RBKS: variants seen among roughly 807,000 people sequenced by gnomAD.
The protein encoded by RBKS is ribokinase.
Under a neutral mutation model 33.9 loss-of-function variants are expected in RBKS, and 33 were observed. The observed-to-expected ratio is 0.97, with a 90% confidence interval of 0.74 to 1.30. The LOEUF is 1.30. RBKS is among the 50% of genes most tolerant of loss of function. The probability of loss-of-function intolerance (pLI) is 0.00; values close to 1 mark genes in which losing one functional copy is unlikely to be tolerated. For synonymous variants in RBKS, 125 were observed against 143.0 expected, an observed-to-expected ratio of 0.87 and a Z score of 0.90; for missense variants, 361 against 392.6, an observed-to-expected ratio of 0.92 and a Z score of 0.68.
chr2:27,795,558 ACCT>A lies in RBKS; in HGVS notation c.796-13773_796-13771del, dbSNP rs1206406138. Among the ~76,000 whole-genome samples, 2 of 151,856 alleles carry A rather than the reference ACCT, an allele frequency of 1.3e-5. No homozygotes were observed. Among genetic ancestry groups the A allele is most frequent in the African/African-American group, 4.8e-5 (2 of 41,400 alleles). On this transcript the variant is annotated intron_variant, in intron 7 of 7. Transcript: ENST00000302188. The surrounding 1 kb of genome is among the most constrained non-coding windows in gnomAD (Gnocchi z 4.1). ...TTATATACACACACACACAACATTGACCTCATTTCATCTTCACACTGACCCTGC... is the reference window on the plus strand; with the variant it reads ...TTATATACACACACACACAACATTGACATTTCATCTTCACACTGACCCTGC...
Position 27,845,590 on chromosome 2 carries a change from G to A in RBKS, c.349+1452C>T, listed in dbSNP as rs570774739. ...TAAGACAAGGAATGAGCTGCTGTTG[G>A]CAGGAATAGTTACTTAAAATGTAGC... On this transcript the variant is annotated intron_variant, in intron 4 of 7. Transcript: ENST00000302188. Among the ~76,000 whole-genome samples, 137 of 152,286 alleles carry A rather than the reference G, an allele frequency of 9.0e-4. 2 individuals carry two copies. Among genetic ancestry groups the A allele is most frequent in the South Asian group, 8.5e-3 (41 of 4,828 alleles).
intron 5 of RBKS, among the ~76,000 whole-genome samples, chr2:27,833,340 A>G (rs974593097): frequency 2.6e-5 from 4 of 152,178 alleles, no homozygotes; most frequent in Non-Finnish European, 5.9e-5. Context: ...TCCTGCAAAC[A>G]TATGCACTTA....
At chr2:27,784,219 G>A (rs903091136) in intron 7 of RBKS, among the ~76,000 whole-genome samples, 4 of 151,818 alleles carry the variant, frequency 2.6e-5, no homozygotes, top group South Asian at 4.2e-4. Context: ...TCCTGACCTC[G>A]TGATCCGCCC....
At chr2:27,850,382 C>T (rs1442367716) in intron 2 of RBKS, among the ~76,000 whole-genome samples, 2 of 152,152 alleles carry the variant, frequency 1.3e-5, no homozygotes, top group Non-Finnish European at 2.9e-5. Flanking sequence ...GTCGGATATT[C>T]TATAGGGTTT....
At chr2:27,845,294 C>G (rs1465428325) in intron 4 of RBKS, among the ~76,000 whole-genome samples, 1 of 152,176 alleles carries the variant, frequency 6.6e-6, no homozygotes, top group Non-Finnish European at 1.5e-5. Context: ...AAACTAAACT[C>G]ATTACTTTAT....
At chr2:27,876,320 A>C (rs1312747626) in intron 1 of RBKS, among the ~76,000 whole-genome samples, 2 of 152,202 alleles carry the variant, frequency 1.3e-5, no homozygotes, top group Admixed American at 1.3e-4. Flanking sequence ...AAAATTCTGA[A>C]ACATGCTACA....
intron 1 of RBKS, among the ~76,000 whole-genome samples, chr2:27,887,622 CAG>C (rs1421521653): frequency 6.6e-6 from 1 of 152,246 alleles, no homozygotes. Context: ...TGGGAATTAG[CAG>C]AGAGAGTCTA....
At chr2:27,781,888 G>T in intron 7 of RBKS, 100 bp from the exon 8 acceptor site, 2 of 1,086,284 alleles carry the variant, frequency 1.8e-6, no homozygotes, top group Non-Finnish European at 2.6e-6. Context: ...TTTAGTTTTA[G>T]ATTTACAGAA....
intron 7 of RBKS, among the ~76,000 whole-genome samples, chr2:27,804,837 G>A (rs918829439): frequency 6.6e-6 from 1 of 152,106 alleles, no homozygotes; most frequent in Non-Finnish European, 1.5e-5. Flanking sequence ...TTGAGCTCAG[G>A]AAGATGGCAA....
At chr2:27,825,162 A>C (rs1304889822) in intron 7 of RBKS, among the ~76,000 whole-genome samples, 1 of 151,864 alleles carries the variant, frequency 6.6e-6, no homozygotes, top group East Asian at 1.9e-4. Flanking sequence ...TCAATTTTAG[A>C]TATTATCTCT....
rs11301069 is a variant in RBKS, at chr2:27,847,227, TAA to T, written c.287-125_287-124del. The T allele has an allele frequency of 2.0e-5, 11 of 542,998 alleles. No individual in the cohort carries two copies. The African/African-American group carries it at 2.1e-4, about 10-fold the overall frequency. The allele number at this position is 542,998 out of a possible 1,614,324, so 33.6% of individuals were successfully genotyped here. The stretch of plus-strand genomic sequence containing the variant: ...TTTAACCTTTAACCATCTGGAATGA[TAA>T]AAAAAAATAAGTAATTAGTGCTAAT... On this transcript the variant is annotated intron_variant, in intron 3 of 7. Coordinates refer to ENST00000302188, the MANE Select transcript of RBKS (RefSeq NM_022128.3).
intron 7 of RBKS, among the ~76,000 whole-genome samples, chr2:27,789,911 G>GTATATATATA (rs1677477777): frequency 5.7e-5 from 7 of 123,690 alleles, no homozygotes; most frequent in Admixed American, 2.6e-4. Flanking sequence ...GTGTGTGTGT[G>GTATATATATA]TGTGTTTGTG....
At chr2:27,887,937 A>G (rs1664573135) in intron 1 of RBKS, among the ~76,000 whole-genome samples, 1 of 152,146 alleles carries the variant, frequency 6.6e-6, no homozygotes, top group Admixed American at 6.5e-5. Flanking sequence ...ATAAGACTTT[A>G]AAACCCTGAC....
intron 5 of RBKS, among the ~76,000 whole-genome samples, chr2:27,835,754 C>G (rs1161250357): frequency 6.6e-6 from 1 of 151,462 alleles, no homozygotes; most frequent in Non-Finnish European, 1.5e-5. Flanking sequence ...GAACAAATAA[C>G]AAGCACACAT....
intron 1 of RBKS, among the ~76,000 whole-genome samples, chr2:27,871,387 T>C (rs944427571): frequency 2.0e-5 from 3 of 152,208 alleles, no homozygotes; most frequent in African/African-American, 7.2e-5. Context: ...TTACCACATA[T>C]TATACAAAGC....
intron 1 of RBKS, among the ~76,000 whole-genome samples, chr2:27,888,101 G>A (rs1664579980): frequency 6.6e-6 from 1 of 151,808 alleles, no homozygotes; most frequent in African/African-American, 2.4e-5. Flanking sequence ...TTTTATTCAG[G>A]TAGGATGTAT....
chr2:27,867,515 A>G (rs904917216), intron 1 of RBKS, among the ~76,000 whole-genome samples: 29 of 152,242 alleles, frequency 1.9e-4, no homozygotes, highest in African/African-American at 6.7e-4. Context: ...TGGGGACGAA[A>G]AGGGGCACAT....
chr2:27,863,757 T>C (rs925685377), intron 1 of RBKS, among the ~76,000 whole-genome samples: 4 of 152,222 alleles, frequency 2.6e-5, no homozygotes, highest in Non-Finnish European at 5.9e-5. Context: ...CCAATTAAAA[T>C]TCATTACACT....
At chr2:27,816,534 C>T (rs897247206) in intron 7 of RBKS, among the ~76,000 whole-genome samples, 4 of 152,170 alleles carry the variant, frequency 2.6e-5, no homozygotes, top group Non-Finnish European at 5.9e-5. Context: ...AGATGTTGTG[C>T]ACTCTCTGTA....
Sources: gnomAD v4.1 joint callset for allele counts (sites outside exome capture counted in the v4.1 genomes callset) on GRCh38, gnomAD v4.1.1 for gene constraint, Gnocchi (gnomAD v3.1) non-coding constraint, MANE v1.5 for transcripts, NCBI Gene and HGNC (gene_info 2026-07-23, HGNC 2026-07-21) for gene names.